PIEZO2: variants seen among roughly 807,000 people sequenced by gnomAD.
The protein encoded by PIEZO2 is piezo type mechanosensitive ion channel component 2, also known as piezo-type mechanosensitive ion channel component 2.
In PIEZO2, 172 loss-of-function variants were observed where a neutral mutation model predicts 337.3. The observed-to-expected ratio is 0.51, with a 90% CI of 0.45 to 0.58. PIEZO2 has a LOEUF of 0.58. Among genes scored for constraint, PIEZO2 ranks in the 20% least tolerant of loss-of-function variants. The pLI is 0.00. For missense variants in PIEZO2, 3,028 were observed against 3,391.3 expected (o/e 0.89, Z 2.66); for synonymous variants, 1,251 against 1,228.5 (o/e 1.02, Z -0.38).
In PIEZO2 at chr18:10,696,294, G is replaced by A. The variant is rs1567957655; in HGVS notation, c.6976-6C>T. 3 of 1,614,090 alleles carry A rather than the reference G, an allele frequency of 1.9e-6. No individual in the cohort carries two copies. Among genetic ancestry groups the A allele is most frequent in the Middle Eastern group, 1.7e-4 (1 of 6,060 alleles). On this transcript the variant is annotated splice_region_variant and splice_polypyrimidine_tract_variant and intron_variant, in intron 46 of 55. Coordinates refer to ENST00000674853, the MANE Select transcript of PIEZO2 (RefSeq NM_001378183.1). The stretch of plus-strand genomic sequence containing the variant: ...TCTGCAGCTGCTGAGTGTTTCTGGG[G>A]AAGAGACAACAAATTCATGCCCAAG...
intron 1 of PIEZO2, among the ~76,000 whole-genome samples, chr18:11,136,315 G>T (rs985787456): frequency 1.3e-5 from 2 of 152,240 alleles, no homozygotes; most frequent in Non-Finnish European, 2.9e-5. Flanking sequence ...GTTTGTGGTT[G>T]TTAGTGAAAA....
chr18:10,835,784 T>C (rs9949352), intron 7 of PIEZO2, among the ~76,000 whole-genome samples: 37,835 of 152,200 alleles, frequency 0.25, 5,217 homozygotes, highest in East Asian at 0.62. Flanking sequence ...CCTCAGATGA[T>C]CCGCCCACCT....
rs2034304172 is a variant in PIEZO2 at position 10,682,367 on chromosome 18, G to A, written c.7498-75C>T. 3 of 1,307,228 alleles carry A rather than the reference G, an allele frequency of 2.3e-6. No homozygotes were observed. Among genetic ancestry groups the A allele is most frequent in the Admixed American group, 2.3e-5 (1 of 42,964 alleles). 81.0% of individuals were successfully genotyped at this position (1,307,228 alleles called of 1,614,324 possible). On this transcript the variant is annotated intron_variant, in intron 49 of 55. Transcript: ENST00000674853. The surrounding 1 kb of genome is among the most constrained non-coding windows in gnomAD (Gnocchi z 5.6). ...CCGCAGGCAGCGGGATTGGGGGAGA[G>A]CGAGTGCTCTTCCTGTGGTGCTGGG...
intron 4 of PIEZO2, among the ~76,000 whole-genome samples, chr18:10,909,523 T>TTTGTATTA (rs1474515371): frequency 5.0e-5 from 1 of 20,032 alleles, no homozygotes; most frequent in African/African-American, 1.9e-4. Flanking sequence ...GGTATGATGA[T>TTTGTATTA]GGCACTATTC....
At chr18:10,986,103 C>T (rs964522334) in intron 2 of PIEZO2, among the ~76,000 whole-genome samples, 3 of 151,954 alleles carry the variant, frequency 2.0e-5, no homozygotes, top group African/African-American at 7.2e-5. Flanking sequence ...CAAAAACTCA[C>T]ACAAAAGAAA....
At chr18:11,007,287 A>T (rs957968150) in intron 2 of PIEZO2, among the ~76,000 whole-genome samples, 5 of 152,234 alleles carry the variant, frequency 3.3e-5, no homozygotes, top group Admixed American at 6.5e-5. Flanking sequence ...GCTTTCATAA[A>T]GTAACATTTG....
intron 48 of PIEZO2, among the ~76,000 whole-genome samples, chr18:10,690,178 C>A (rs2034746196): frequency 1.3e-5 from 2 of 152,050 alleles, no homozygotes; most frequent in African/African-American, 4.8e-5. Flanking sequence ...AGGGGTGGTG[C>A]ACCTGGTAGG....
In PIEZO2 at chr18:11,092,328, G is replaced by C. The variant is rs2039116420; in HGVS notation, c.65-26106C>G. Among the ~76,000 whole-genome samples the C allele has an allele frequency of 6.6e-6, 1 of 152,178 alleles. No homozygotes were observed. The highest frequency in any genetic ancestry group is 2.4e-5 in the African/African-American group (1 of 41,440). On this transcript the variant is annotated intron_variant, in intron 1 of 55. Transcript: ENST00000674853. The surrounding 1 kb of genome is among the most constrained non-coding windows in gnomAD (Gnocchi z 4.5). ...TAGCTTGACAGAGTATTTGCCAAGA[G>C]ATTGTTAAACATAATAAATACAGAA...
rs762369514 is a variant in PIEZO2 at position 10,781,558 on chromosome 18, G to A, written c.2493-1192C>T. ...TATTATATAATAAACAATGTTATAC[G>A]TTATAATTCTTATAATATGAAATTC... On this transcript the variant is annotated intron_variant, in intron 17 of 55. Transcript: ENST00000674853. This position sits in a 1 kb window ranked among gnomAD's most constrained non-coding sequence, Gnocchi z 4.1. 7.3e-5 allele frequency among the ~76,000 whole-genome samples: 11 copies of A among 151,580 alleles called. No individual in the cohort carries two copies. Among genetic ancestry groups the A allele is most frequent in the South Asian group, 6.2e-4 (3 of 4,814 alleles).
rs1011716604 is a variant in PIEZO2, at chr18:11,112,045, A to G, written c.64+36480T>C. Among the ~76,000 whole-genome samples, 13 of 152,368 alleles carry G rather than the reference A, an allele frequency of 8.5e-5. No individual in the cohort carries two copies. Among genetic ancestry groups the G allele is most frequent in the African/African-American group, 2.9e-4 (12 of 41,590 alleles). ...TTCATAGTCCTTTATATTAATAAAG[A>G]ACTTCACAGCTGAAAGGATTTTAAG... On this transcript the variant is annotated intron_variant, in intron 1 of 55. Coordinates refer to ENST00000674853, the MANE Select transcript of PIEZO2 (RefSeq NM_001378183.1). The surrounding 1 kb of genome is among the most constrained non-coding windows in gnomAD (Gnocchi z 4.3).
Position 10,676,511 on chromosome 18 carries a change from TG to T in PIEZO2, c.8082-1224del, listed in dbSNP as rs1290176198. Reference sequence around the variant, plus strand: ...GGATAGTATTTTGAGATATATAATATGTTTTTTTCCAAATTTCCTTTTACCC... The same window carrying T: ...GGATAGTATTTTGAGATATATAATATTTTTTTTCCAAATTTCCTTTTACCC... On this transcript the variant is annotated intron_variant, in intron 53 of 55. Transcript: ENST00000674853. The surrounding 1 kb of genome is among the most constrained non-coding windows in gnomAD (Gnocchi z 5.1). Among the ~76,000 whole-genome samples, 11 of 152,228 alleles carry T rather than the reference TG, an allele frequency of 7.2e-5. No individual in the cohort carries two copies. The highest frequency in any genetic ancestry group is 1.3e-4 in the Non-Finnish European group (9 of 68,036).
Position 10,906,154 on chromosome 18 carries a change from G to T in PIEZO2, c.329+5032C>A, listed in dbSNP as rs576906995. ...GAAGGAAAAAAAACTAGGGATATTT[G>T]TTATCTCATTGCAGAAGGCTATTTT... On this transcript the variant is annotated intron_variant, in intron 4 of 55. Coordinates refer to ENST00000674853, the MANE Select transcript of PIEZO2 (RefSeq NM_001378183.1). Among the ~76,000 whole-genome samples the T allele has an allele frequency of 5.3e-5, 8 of 152,222 alleles. 1 individual carries two copies. The South Asian group carries it at 1.2e-3, about 24-fold the overall frequency.
intron 17 of PIEZO2, among the ~76,000 whole-genome samples, chr18:10,782,942 C>A (rs1413239576): frequency 2.0e-5 from 3 of 152,128 alleles, no homozygotes; most frequent in Non-Finnish European, 4.4e-5. Flanking sequence ...ACCAAATTGT[C>A]TTCTGCAAAA....
rs1368023375 is a variant in PIEZO2 at position 10,967,011 on chromosome 18, G to GTTTT, written c.286+12520_286+12523dup. On this transcript the variant is annotated intron_variant, in intron 3 of 55. Transcript: ENST00000674853. ...TGTGTATATATACCACATTTTCTCT[G>GTTTT]TTTTTTGTTTTTTTTTTTTTTTTTG... Among the ~76,000 whole-genome samples, 68 of 109,370 alleles carry GTTTT rather than the reference G, an allele frequency of 6.2e-4. 2 individuals are homozygous for GTTTT. The highest frequency in any genetic ancestry group is 6.0e-3 in the Middle Eastern group (1 of 166). The allele number at this position is 109,370 out of a possible 152,430, so 71.8% of individuals were successfully genotyped here. A position where few individuals can be genotyped will look rare whatever the true frequency, so the allele number is the denominator to read the frequency against.
chr18:11,006,803 C>A (rs1192355484), intron 2 of PIEZO2, among the ~76,000 whole-genome samples: 4 of 151,904 alleles, frequency 2.6e-5, no homozygotes, highest in Non-Finnish European at 5.9e-5. Flanking sequence ...GAAGTATGTT[C>A]TTAGTAAAAA....
intron 9 of PIEZO2, among the ~76,000 whole-genome samples, 158 bp from the exon 10 acceptor site, chr18:10,801,586 A>C (rs1356482760): frequency 6.6e-6 from 1 of 152,188 alleles, no homozygotes; most frequent in African/African-American, 2.4e-5. Flanking sequence ...AGGACAAATA[A>C]ATGAGCTGGA....
chr18:10,743,804 G>C (rs1346938954), intron 31 of PIEZO2, among the ~76,000 whole-genome samples: 2 of 152,124 alleles, frequency 1.3e-5, no homozygotes, highest in African/African-American at 4.8e-5. Flanking sequence ...GCAGAATTGT[G>C]AGCCCTAATT....
chr18:10,937,915 A>G (rs550139902), intron 3 of PIEZO2, among the ~76,000 whole-genome samples: 3 of 152,344 alleles, frequency 2.0e-5, no homozygotes, highest in South Asian at 2.1e-4. Context: ...GCTATAATTC[A>G]ACCAGTTCTG....
At position 11,055,210 on chromosome 18, in the gene PIEZO2, C is replaced by CAAAA. The variant is rs11390110; in HGVS notation, c.160+10913_160+10916dup. ...TGGGCGAAAGAGTGAGACTCTGTCTCAAAAAAAAAAAAAAAAAAAAAAGAA... is the reference window on the plus strand; with the variant it reads ...TGGGCGAAAGAGTGAGACTCTGTCTCAAAAAAAAAAAAAAAAAAAAAAAAAAGAA... On this transcript the variant is annotated intron_variant, in intron 2 of 55. Coordinates refer to ENST00000674853, the MANE Select transcript of PIEZO2 (RefSeq NM_001378183.1). 7.0e-3 allele frequency among the ~76,000 whole-genome samples: 562 copies of CAAAA among 79,736 alleles called. 18 individuals are homozygous for CAAAA. The highest frequency in any genetic ancestry group is 0.035 in the Admixed American group (217 of 6,136). The allele number at this position is 79,736 out of a possible 152,430, so 52.3% of individuals were successfully genotyped here. A position where few individuals can be genotyped will look rare whatever the true frequency, so the allele number is the denominator to read the frequency against.
Sources: allele counts gnomAD v4.1 joint callset (sites outside exome capture counted in the v4.1 genomes callset), GRCh38; gene constraint gnomAD v4.1.1; non-coding constraint Gnocchi (gnomAD v3.1); transcripts MANE v1.5; gene names NCBI Gene and HGNC (gene_info 2026-07-23, HGNC 2026-07-21).